The following ALK variants were observed in gnomAD, a reference collection of about 807,000 sequenced individuals.
ALK encodes ALK tyrosine kinase receptor.
Under a neutral mutation model 163.1 loss-of-function variants are expected in ALK, and 74 were observed. The ratio of observed to expected loss-of-function variants is 0.45; its 90% CI spans 0.38 to 0.55. The LOEUF is 0.55. Among genes scored for constraint, ALK ranks in the 20% least tolerant of loss-of-function variants. The pLI, the probability that ALK is intolerant of heterozygous loss-of-function variation, is 0.00. For synonymous variants in ALK, 960 were observed against 843.2 expected, an observed-to-expected ratio of 1.14 and a Z score of -2.40; for missense variants, 2,063 against 2,105.3, an observed-to-expected ratio of 0.98 and a Z score of 0.39.
chr2:29,680,352 A>T (rs1228455529), intron 3 of ALK, among the ~76,000 whole-genome samples: 1 of 152,090 alleles, frequency 6.6e-6, no homozygotes, highest in East Asian at 1.9e-4. Flanking sequence ...GTTTCTTAGG[A>T]TCTGAACATT....
intron 3 of ALK, among the ~76,000 whole-genome samples, chr2:29,626,061 C>T (rs956806134): frequency 1.3e-5 from 2 of 152,260 alleles, no homozygotes; most frequent in African/African-American, 4.8e-5. Flanking sequence ...AGAAGCCACA[C>T]AGGGCTCTAA....
chr2:29,348,831 A>G (rs1399950232), intron 5 of ALK, among the ~76,000 whole-genome samples: 3 of 152,218 alleles, frequency 2.0e-5, no homozygotes, highest in Non-Finnish European at 4.4e-5. Flanking sequence ...ATGCTCTATT[A>G]TGTTATCAGT....
At chr2:29,629,163 C>A (rs1298701080) in intron 3 of ALK, among the ~76,000 whole-genome samples, 1 of 152,204 alleles carries the variant, frequency 6.6e-6, no homozygotes, top group African/African-American at 2.4e-5. Context: ...GCTTTCCTCA[C>A]ACATGTAAGC....
In ALK at chr2:29,329,986, G is replaced by A. The variant is rs559008947; in HGVS notation, c.1283-1505C>T. Among the ~76,000 whole-genome samples the A allele has an allele frequency of 9.2e-5, 14 of 152,286 alleles. 1 individual carries two copies. Among genetic ancestry groups the A allele is most frequent in the African/African-American group, 3.1e-4 (13 of 41,570 alleles). ...TGTAAAGGTGCCCTCTCCATCTCAC[G>A]GAAGGAGATGCTGGAGGTGGCCTTG... On this transcript the variant is annotated intron_variant, in intron 5 of 28. Coordinates refer to ENST00000389048, the MANE Select transcript of ALK (RefSeq NM_004304.5).
chr2:29,719,874 A>G (rs1679374663), intron 1 of ALK, among the ~76,000 whole-genome samples: 1 of 152,180 alleles, frequency 6.6e-6, no homozygotes, highest in African/African-American at 2.4e-5. Flanking sequence ...AGCATGCTTC[A>G]GAATAGGGCA....
intron 23 of ALK, among the ~76,000 whole-genome samples, chr2:29,215,476 T>C (rs1669578280): frequency 6.6e-6 from 1 of 152,134 alleles, no homozygotes; most frequent in Non-Finnish European, 1.5e-5. Flanking sequence ...ATACATGATC[T>C]GCTGTGTGGT....
At chr2:29,665,188 T>C (rs377650470) in intron 3 of ALK, among the ~76,000 whole-genome samples, 29 of 151,762 alleles carry the variant, frequency 1.9e-4, no homozygotes, top group African/African-American at 7.0e-4. Context: ...GGTTTTTCCG[T>C]GTTGACCAGG....
chr2:29,314,795 G>T (rs1273039913), intron 8 of ALK, among the ~76,000 whole-genome samples: 2 of 152,124 alleles, frequency 1.3e-5, no homozygotes, highest in African/African-American at 4.8e-5. Flanking sequence ...AAACCACACG[G>T]GGCTTGTTGA....
intron 4 of ALK, among the ~76,000 whole-genome samples, chr2:29,460,758 T>G (rs535780591): frequency 6.6e-6 from 1 of 152,248 alleles, no homozygotes; most frequent in East Asian, 1.9e-4. Context: ...ACATCATATT[T>G]AAATGAGGCC....
chr2:29,505,609 TG>T (rs1259149759), intron 4 of ALK, among the ~76,000 whole-genome samples: 1 of 152,054 alleles, frequency 6.6e-6, no homozygotes, highest in Non-Finnish European at 1.5e-5. Context: ...ACCCTGAAAC[TG>T]GGCTCCTGGT....
intron 2 of ALK, among the ~76,000 whole-genome samples, chr2:29,710,791 G>C (rs369352773): frequency 6.6e-5 from 10 of 152,186 alleles, no homozygotes; most frequent in Middle Eastern, 3.4e-3. Flanking sequence ...GATTACAGGC[G>C]TGAGCAACTG....
chr2:29,724,498 C>T (rs1679512133), intron 1 of ALK, among the ~76,000 whole-genome samples: 2 of 152,154 alleles, frequency 1.3e-5, no homozygotes, highest in Non-Finnish European at 2.9e-5. Context: ...GAGCCTGCAC[C>T]TGTTCAGCAA....
intron 3 of ALK, among the ~76,000 whole-genome samples, chr2:29,660,923 C>T (rs1407851598): frequency 6.6e-6 from 1 of 152,132 alleles, no homozygotes; most frequent in African/African-American, 2.4e-5. Flanking sequence ...CCACACAATG[C>T]CCTCATGGAA....
At chr2:29,385,949 A>T (rs1669021760) in intron 4 of ALK, among the ~76,000 whole-genome samples, 1 of 152,234 alleles carries the variant, frequency 6.6e-6, no homozygotes, top group African/African-American at 2.4e-5. Flanking sequence ...ATGTGTGCAC[A>T]TTTAGGCATA....
intron 4 of ALK, among the ~76,000 whole-genome samples, chr2:29,434,945 G>T (rs1350141089): frequency 6.6e-6 from 1 of 152,204 alleles, no homozygotes; most frequent in Non-Finnish European, 1.5e-5. Context: ...TCATTTCATA[G>T]ATAAGGAAAC....
intron 2 of ALK, among the ~76,000 whole-genome samples, chr2:29,701,421 C>T (rs1263474725): frequency 1.3e-5 from 2 of 152,196 alleles, no homozygotes; most frequent in African/African-American, 4.8e-5. Flanking sequence ...TGGGGCAGGT[C>T]CACATCAGCC....
At chr2:29,423,771 C>T (rs938665868) in intron 4 of ALK, among the ~76,000 whole-genome samples, 2 of 152,172 alleles carry the variant, frequency 1.3e-5, no homozygotes, top group Non-Finnish European at 2.9e-5. Context: ...GAGGTTTTGG[C>T]TGCATTTACC....
intron 9 of ALK, 131 bp downstream of exon 9, chr2:29,296,757 G>T: frequency 9.4e-7 from 1 of 1,059,644 alleles, no homozygotes; most frequent in Non-Finnish European, 1.4e-6. Flanking sequence ...GCGTGCACGC[G>T]CACATATCGG....
chr2:29,363,991 C>T (rs1229368930), intron 5 of ALK, among the ~76,000 whole-genome samples: 1 of 152,280 alleles, frequency 6.6e-6, no homozygotes, highest in Admixed American at 6.5e-5. Context: ...ATGCTCTCAC[C>T]AAACTAAATC....
Sources: allele counts gnomAD v4.1 joint callset (sites outside exome capture counted in the v4.1 genomes callset), GRCh38; gene constraint gnomAD v4.1.1; transcripts MANE v1.5; gene names NCBI Gene and HGNC (gene_info 2026-07-23, HGNC 2026-07-21).